CCDC148: variants seen among roughly 807,000 people sequenced by gnomAD.
CCDC148 encodes the protein coiled-coil domain-containing protein 148.
CCDC148 carries 89 observed loss-of-function variants against 85.7 expected under a neutral mutation model. The observed-to-expected ratio is 1.04, with a 90% CI of 0.87 to 1.24. CCDC148 has a LOEUF of 1.24. CCDC148 is among the 50% of genes most tolerant of loss of function. The pLI is 0.00. For synonymous variants in CCDC148, 230 were observed against 213.9 expected, an observed-to-expected ratio of 1.08 and a Z score of -0.66; for missense variants, 692 against 671.7, an observed-to-expected ratio of 1.03 and a Z score of -0.33.
rs376599088 is a variant in CCDC148, at chr2:158,178,083, G to A, written c.1488+796C>T. 35 of 152,160 alleles carry A rather than the reference G, an allele frequency of 2.3e-4. No individual in the cohort carries two copies. In the East Asian group the frequency reaches 6.2e-3, roughly 27 times the overall value. 9.4% of individuals were successfully genotyped at this position (152,160 alleles called of 1,614,324 possible). On this transcript the variant is annotated intron_variant, in intron 12 of 13. Transcript: ENST00000283233. ...CAGATGAAGAAATAAAGCTTACGGA[G>A]GTTAAGTAAATGACCTGTTTCCAGT... is the stretch of plus-strand genomic sequence containing the variant.
chr2:158,190,441 C>G (rs769674707), intron 11 of CCDC148, among the ~76,000 whole-genome samples: 6 of 151,834 alleles, frequency 4.0e-5, no homozygotes, highest in Non-Finnish European at 7.4e-5. Context: ...ACCAAAAACC[C>G]AGAGCAATTA....
At chr2:158,188,122 C>G (rs16842723) in intron 11 of CCDC148, among the ~76,000 whole-genome samples, 8,401 of 151,950 alleles carry the variant, frequency 0.055, 781 homozygotes, top group African/African-American at 0.19. Context: ...ATCATGTCTG[C>G]TCAATTATTT....
At chr2:158,226,052 T>C (rs1687499512) in intron 10 of CCDC148, among the ~76,000 whole-genome samples, 3 of 152,070 alleles carry the variant, frequency 2.0e-5, no homozygotes, top group Admixed American at 2.0e-4. Flanking sequence ...ATTGATAGAC[T>C]GCTAGCAAGA....
intron 1 of CCDC148, among the ~76,000 whole-genome samples, chr2:158,364,700 G>C (rs765203644): frequency 1.3e-5 from 2 of 152,014 alleles, no homozygotes; most frequent in Non-Finnish European, 1.5e-5. Context: ...ACCTAAAACC[G>C]TAACAGTCCT....
At chr2:158,261,879 G>C (rs1179702866) in intron 9 of CCDC148, among the ~76,000 whole-genome samples, 1 of 152,056 alleles carries the variant, frequency 6.6e-6, no homozygotes, top group Non-Finnish European at 1.5e-5. Context: ...TGCTGGCAAG[G>C]TTGTGGAGAA....
At chr2:158,282,778 C>A (rs1427667373) in intron 9 of CCDC148, among the ~76,000 whole-genome samples, 1 of 152,154 alleles carries the variant, frequency 6.6e-6, no homozygotes, top group Non-Finnish European at 1.5e-5. Flanking sequence ...GAAAAAACTA[C>A]TTTAAAGTTC....
intron 7 of CCDC148, among the ~76,000 whole-genome samples, chr2:158,325,474 G>C (rs1692725146): frequency 1.3e-5 from 2 of 152,048 alleles, no homozygotes; most frequent in Admixed American, 6.6e-5. Flanking sequence ...ATGTTGGCAG[G>C]CCTAAGGGAT....
chr2:158,403,805 T>C lies in CCDC148; in HGVS notation c.26-45235A>G, dbSNP rs1024580741. ...TTGACAGATGAATGGGCTGAATAAA[T>C]TTAAGGCAATCAAAAGAAACTCAGT... On this transcript the variant is annotated intron_variant, in intron 1 of 13. Coordinates refer to ENST00000283233, the MANE Select transcript of CCDC148 (RefSeq NM_138803.4). 2.0e-5 allele frequency among the ~76,000 whole-genome samples: 3 copies of C among 152,180 alleles called. No individual in the cohort carries two copies. The East Asian group carries it at 5.8e-4, about 29-fold the overall frequency.
intron 7 of CCDC148, among the ~76,000 whole-genome samples, chr2:158,318,734 A>C (rs1302193050): frequency 6.6e-6 from 1 of 151,968 alleles, no homozygotes; most frequent in Non-Finnish European, 1.5e-5. Context: ...TTTCTAGTGG[A>C]AGTTTTAAAA....
chr2:158,286,226 T>A (rs1690617862), intron 9 of CCDC148, among the ~76,000 whole-genome samples: 1 of 152,134 alleles, frequency 6.6e-6, no homozygotes, highest in South Asian at 2.1e-4. Flanking sequence ...TAGAAATGAA[T>A]CTGGCAAAAG....
intron 2 of CCDC148, among the ~76,000 whole-genome samples, chr2:158,351,885 G>A (rs13017470): frequency 0.35 from 51,633 of 147,750 alleles, 10,612 homozygotes; most frequent in South Asian, 0.6. Context: ...ATCTGAGAAC[G>A]GGCAGACTGC....
chr2:158,411,426 T>A (rs1183287113), intron 1 of CCDC148, among the ~76,000 whole-genome samples: 1 of 152,074 alleles, frequency 6.6e-6, no homozygotes. Context: ...AAGTAACTTG[T>A]ATTTAAGTTC....
rs912138538 is a variant in CCDC148, at chr2:158,278,220, C to A, written c.1111-27308G>T. The stretch of plus-strand genomic sequence containing the variant: ...TGACGCAGAAGACGGGTGATTTCTG[C>A]ATTTCCATCTGAGGTACCGGGTTCA... On this transcript the variant is annotated intron_variant, in intron 9 of 13. Coordinates refer to ENST00000283233, the MANE Select transcript of CCDC148 (RefSeq NM_138803.4). 2.1e-4 allele frequency among the ~76,000 whole-genome samples: 32 copies of A among 152,166 alleles called. 1 individual carries two copies. The highest frequency in any genetic ancestry group is 2.0e-3 in the Admixed American group (30 of 15,274).
chr2:158,420,989 G>A (rs1686751409), intron 1 of CCDC148, among the ~76,000 whole-genome samples: 1 of 151,796 alleles, frequency 6.6e-6, no homozygotes, highest in South Asian at 2.1e-4. Context: ...AAGAGACAAA[G>A]AAGGCCATTA....
chr2:158,285,324 C>T (rs187535197), intron 9 of CCDC148, among the ~76,000 whole-genome samples: 13 of 148,196 alleles, frequency 8.8e-5, no homozygotes, highest in Admixed American at 4.0e-4. Context: ...ATGAGATTAA[C>T]GGCAGATGAG....
intron 1 of CCDC148, among the ~76,000 whole-genome samples, chr2:158,392,988 C>CA (rs1685378225): frequency 6.6e-6 from 1 of 151,902 alleles, no homozygotes; most frequent in African/African-American, 2.4e-5. Flanking sequence ...GTATTATCTA[C>CA]AAGTCAGGGT....
At position 158,340,578 on chromosome 2, in the gene CCDC148, T is replaced by C. The variant is rs187948208; in HGVS notation, c.334+20A>G. The C allele has an allele frequency of 1.2e-3, 1,888 of 1,543,106 alleles. 3 individuals carry two copies. Among genetic ancestry groups the C allele is most frequent in the Non-Finnish European group, 1.5e-3 (1,733 of 1,131,892 alleles). ...TCAAAATAAAACTCCCCTTTAAATATAGGATCAAAAAAATCTTACCAAAAT... is the reference window on the plus strand; with the variant it reads ...TCAAAATAAAACTCCCCTTTAAATACAGGATCAAAAAAATCTTACCAAAAT... On this transcript the variant is annotated intron_variant, in intron 4 of 13. Coordinates refer to ENST00000283233, the MANE Select transcript of CCDC148 (RefSeq NM_138803.4).
chr2:158,237,253 T>C (rs1486673921), intron 10 of CCDC148, among the ~76,000 whole-genome samples: 6 of 152,114 alleles, frequency 3.9e-5, no homozygotes, highest in African/African-American at 1.4e-4. Flanking sequence ...CAGGGCCCTG[T>C]ATGTCCCTTC....
chr2:158,252,539 T>C (rs1445094637), intron 9 of CCDC148, among the ~76,000 whole-genome samples: 2 of 151,730 alleles, frequency 1.3e-5, no homozygotes, highest in African/African-American at 4.8e-5. Context: ...AAAAGATAGT[T>C]TTCTGTTCTC....
Sources: gnomAD v4.1 joint callset for allele counts (sites outside exome capture counted in the v4.1 genomes callset) on GRCh38, gnomAD v4.1.1 for gene constraint, MANE v1.5 for transcripts, NCBI Gene and HGNC (gene_info 2026-07-23, HGNC 2026-07-21) for gene names.